DLC1: variants seen among roughly 807,000 people sequenced by gnomAD.
The protein encoded by DLC1 is DLC1 Rho GTPase activating protein, also known as rho GTPase-activating protein 7.
DLC1 carries 54 observed loss-of-function variants against 140.3 expected under a neutral mutation model. The observed-to-expected ratio is 0.38, with a 90% CI of 0.31 to 0.48. The LOEUF (loss-of-function observed/expected upper bound fraction) is 0.48, where lower values mean the gene tolerates loss of function less well. Among genes scored for constraint, DLC1 ranks in the 20% least tolerant of loss-of-function variants. The pLI is 0.96. For synonymous variants in DLC1, 986 were observed against 728.1 expected (o/e 1.35, Z -5.70); for missense variants, 2,536 against 1,907.0 (o/e 1.33, Z -6.14).
Position 13,095,148 on chromosome 8 carries a change from G to T in DLC1, c.3265C>A (p.Gln1089Lys). Residue 1089 changes from glutamine (Q) to lysine (K), a missense_variant, in exon 11 of 18, where the codon CAA (glutamine) becomes AAA (lysine). Transcript: ENST00000276297. ...TGCTGGATGCTCTGAGGCAACGGTT[G>T]TCCTGTGCGCTGCACGTTGACCGTC... Reference protein sequence around the residue: ...PLTVNVQRTGQPLPQSIQQAM... With the variant: ...PLTVNVQRTGKPLPQSIQQAM... The T allele has an allele frequency of 8.1e-6, 13 of 1,614,280 alleles. No homozygotes were observed. Among genetic ancestry groups the T allele is most frequent in the Non-Finnish European group, 1.1e-5 (13 of 1,180,054 alleles).
chr8:13,086,083 T>G, intron 17 of DLC1, 152 bp from the exon 18 acceptor site: 1 of 1,386,540 alleles, frequency 7.2e-7, no homozygotes. Flanking sequence ...TTTGCTTTGC[T>G]TTAGAACCAC....
chr8:13,150,957 G>A lies in DLC1; in HGVS notation c.1349-35300C>T, dbSNP rs553058463. On this transcript the variant is annotated intron_variant, in intron 5 of 17. Coordinates refer to ENST00000276297, the MANE Select transcript of DLC1 (RefSeq NM_182643.3). ...AACTTGCTACATTCTATTAGGGACA[G>A]GTTGTAGTCAAGGCCCTCAGTGAAG... Among the ~76,000 whole-genome samples, 4 of 152,316 alleles carry A rather than the reference G, an allele frequency of 2.6e-5. No individual in the cohort carries two copies. The South Asian group carries it at 8.3e-4, about 32-fold the overall frequency.
chr8:13,270,867 A>G (rs1301696267), intron 5 of DLC1, among the ~76,000 whole-genome samples: 3 of 152,164 alleles, frequency 2.0e-5, no homozygotes, highest in Non-Finnish European at 1.5e-5. Context: ...AATGCTTAGT[A>G]TATGTCAATG....
intron 5 of DLC1, among the ~76,000 whole-genome samples, chr8:13,256,026 C>A (rs1022618768): frequency 6.6e-6 from 1 of 152,036 alleles, no homozygotes; most frequent in Non-Finnish European, 1.5e-5. Flanking sequence ...ATAATTTAAC[C>A]CCATCTCTAC....
intron 4 of DLC1, among the ~76,000 whole-genome samples, chr8:13,383,712 A>C (rs948258639): frequency 6.6e-6 from 1 of 152,224 alleles, no homozygotes; most frequent in Non-Finnish European, 1.5e-5. Flanking sequence ...TTTCACTTGC[A>C]TCGGTGGAAG....
chr8:13,435,088 T>C (rs1186313605), intron 2 of DLC1, among the ~76,000 whole-genome samples: 2 of 152,206 alleles, frequency 1.3e-5, no homozygotes, highest in African/African-American at 4.8e-5. Context: ...TGGAAAGAAT[T>C]CACTATTCTA....
chr8:13,319,476 G>C (rs1616164), intron 4 of DLC1, among the ~76,000 whole-genome samples: 88,592 of 126,364 alleles, frequency 0.7, 27,981 homozygotes, highest in Middle Eastern at 0.81. Context: ...TGGCGGGGCG[G>C]GGGGGGGGGG....
At chr8:13,498,373 G>A (rs1462158498) in intron 2 of DLC1, among the ~76,000 whole-genome samples, 1 of 152,172 alleles carries the variant, frequency 6.6e-6, no homozygotes, top group Non-Finnish European at 1.5e-5. Context: ...CGCAGGGGAG[G>A]ATGGCATCTT....
At position 13,100,904 on chromosome 8, in the gene DLC1, GT is replaced by G. The variant is rs371679768; in HGVS notation, c.1567-135del. On this transcript the variant is annotated intron_variant, in intron 8 of 17. Coordinates refer to ENST00000276297, the MANE Select transcript of DLC1 (RefSeq NM_182643.3). ...TGTACTTCATGATTTTAATTTTAAA[GT>G]TTTTTTTTTTTTTTTTTTAAAAATA... 0.1 allele frequency: 61,085 copies of G among 583,310 alleles called. 182 individuals are homozygous for G. The highest frequency in any genetic ancestry group is 0.14 in the South Asian group (3,198 of 23,534). The allele number at this position is 583,310 out of a possible 1,614,324, so 36.1% of individuals were successfully genotyped here.
chr8:13,119,487 T>C (rs901037960), intron 5 of DLC1, among the ~76,000 whole-genome samples: 2 of 152,204 alleles, frequency 1.3e-5, no homozygotes, highest in Non-Finnish European at 2.9e-5. Flanking sequence ...TCAACAGTTC[T>C]ATATCAATGG....
chr8:13,282,288 C>G (rs1831390038), intron 5 of DLC1, among the ~76,000 whole-genome samples: 1 of 152,176 alleles, frequency 6.6e-6, no homozygotes, highest in African/African-American at 2.4e-5. Context: ...TTTCCACTCT[C>G]TGCAGTTGAC....
intron 5 of DLC1, among the ~76,000 whole-genome samples, chr8:13,261,779 T>C (rs1360217928): frequency 6.6e-6 from 1 of 152,186 alleles, no homozygotes; most frequent in Non-Finnish European, 1.5e-5. Context: ...AAGACAAGTT[T>C]TGTTGGAAAG....
intron 4 of DLC1, among the ~76,000 whole-genome samples, chr8:13,328,968 G>T (rs989431236): frequency 2.0e-5 from 3 of 152,344 alleles, no homozygotes; most frequent in Admixed American, 6.5e-5. Flanking sequence ...ATGGAAATGT[G>T]AAGGGGATGG....
At chr8:13,513,704 C>A (rs1802475866) in intron 1 of DLC1, among the ~76,000 whole-genome samples, 1 of 152,076 alleles carries the variant, frequency 6.6e-6, no homozygotes, top group Admixed American at 6.6e-5. Context: ...TACTAAACTT[C>A]TTTTCTAATA....
At chr8:13,389,602 A>G (rs2117197578) in intron 4 of DLC1, among the ~76,000 whole-genome samples, 1 of 147,390 alleles carries the variant, frequency 6.8e-6, no homozygotes, top group African/African-American at 2.5e-5. Context: ...AATCTATATT[A>G]CTGCTTAATT....
chr8:13,441,348 G>A (rs1246536032), intron 2 of DLC1, among the ~76,000 whole-genome samples: 2 of 152,320 alleles, frequency 1.3e-5, no homozygotes, highest in East Asian at 1.9e-4. Context: ...AGTGTTGGAA[G>A]TTCTGGCCAG....
intron 2 of DLC1, among the ~76,000 whole-genome samples, chr8:13,470,571 A>G (rs1800158205): frequency 6.6e-6 from 1 of 152,220 alleles, no homozygotes; most frequent in African/African-American, 2.4e-5. Context: ...GTGAAATATT[A>G]CCCCACACCT....
intron 2 of DLC1, among the ~76,000 whole-genome samples, chr8:13,438,121 T>C (rs910674520): frequency 6.6e-6 from 1 of 152,106 alleles, no homozygotes; most frequent in Non-Finnish European, 1.5e-5. Flanking sequence ...TCAATTCCAG[T>C]TGCCCATTAG....
intron 2 of DLC1, among the ~76,000 whole-genome samples, chr8:13,489,009 G>A (rs928083853): frequency 5.9e-5 from 9 of 151,974 alleles, no homozygotes; most frequent in East Asian, 1.9e-4. Context: ...GTGCAGTGGC[G>A]TGATCTTGGC....
Sources: allele counts gnomAD v4.1 joint callset (sites outside exome capture counted in the v4.1 genomes callset), GRCh38; gene constraint gnomAD v4.1.1; transcripts MANE v1.5; gene names NCBI Gene and HGNC (gene_info 2026-07-23, HGNC 2026-07-21).